The following NSMCE2 variants were observed in gnomAD, a reference collection of about 807,000 sequenced individuals.
NSMCE2 encodes E3 SUMO-protein ligase NSE2.
A neutral mutation model predicts 23.8 loss-of-function variants in NSMCE2; 24 were observed. The observed-to-expected ratio is 1.01, with a 90% CI of 0.73 to 1.42. The LOEUF (loss-of-function observed/expected upper bound fraction) is 1.42. Ranked by LOEUF, NSMCE2 falls within the 40% of genes most tolerant of loss-of-function variation. The pLI, the probability that NSMCE2 is intolerant of heterozygous loss-of-function variation, is 0.00. For synonymous variants in NSMCE2, 92 were observed against 94.1 expected (o/e 0.98, Z 0.13); for missense variants, 284 against 296.5 (o/e 0.96, Z 0.31).
chr8:125,333,726 G>A (rs1241797748), intron 5 of NSMCE2, among the ~76,000 whole-genome samples: 5 of 151,644 alleles, frequency 3.3e-5, no homozygotes, highest in African/African-American at 7.3e-5. Context: ...TTTTAGCCGG[G>A]ATGGTCTCGA....
At chr8:125,164,078 C>T (rs1821755083) in intron 4 of NSMCE2, among the ~76,000 whole-genome samples, 1 of 152,214 alleles carries the variant, frequency 6.6e-6, no homozygotes, top group Non-Finnish European at 1.5e-5. Flanking sequence ...CTTACTTAAG[C>T]CAGATTTGTA....
intron 3 of NSMCE2, 24 bp from the exon 4 acceptor site, chr8:125,151,147 A>C: frequency 1.1e-5 from 13 of 1,233,596 alleles, no homozygotes; most frequent in Non-Finnish European, 1.4e-5. Flanking sequence ...GGAAAATAAT[A>C]ATTGCAATTT....
chr8:125,147,530 A>G (rs1036421506), intron 3 of NSMCE2, among the ~76,000 whole-genome samples: 2 of 152,194 alleles, frequency 1.3e-5, no homozygotes, highest in South Asian at 4.1e-4. Context: ...AAATTAGGTG[A>G]AGAAGGAAAT....
chr8:125,142,980 A>C (rs1228997729), intron 3 of NSMCE2, among the ~76,000 whole-genome samples: 3 of 151,964 alleles, frequency 2.0e-5, no homozygotes, highest in African/African-American at 7.3e-5. Context: ...TGTAGGGAGA[A>C]GTAACCAAGT....
At chr8:125,253,800 CAAG>C (rs1826294596) in intron 5 of NSMCE2, among the ~76,000 whole-genome samples, 1 of 152,056 alleles carries the variant, frequency 6.6e-6, no homozygotes, top group South Asian at 2.1e-4. Context: ...TTCTACCATG[CAAG>C]AAGAATTTGG....
At chr8:125,288,412 A>AC (rs1491274725) in intron 5 of NSMCE2, among the ~76,000 whole-genome samples, 1 of 152,078 alleles carries the variant, frequency 6.6e-6, no homozygotes, top group Non-Finnish European at 1.5e-5. Flanking sequence ...AATTAGACTA[A>AC]CCCCCTTCCT....
Position 125,299,570 on chromosome 8 carries a change from G to A in NSMCE2, c.419-57649G>A, listed in dbSNP as rs117102317. 2.6e-5 allele frequency among the ~76,000 whole-genome samples: 4 copies of A among 152,150 alleles called. No individual in the cohort carries two copies. The East Asian group carries it at 7.7e-4, about 29-fold the overall frequency. On this transcript the variant is annotated intron_variant, in intron 5 of 7. Transcript: ENST00000287437. ...CCATGACCCAGTTACCTCCCACCAG[G>A]TCCCTCCCTCAACATGTGGGGACTA...
intron 3 of NSMCE2, among the ~76,000 whole-genome samples, chr8:125,119,389 A>G (rs1001614922): frequency 5.3e-5 from 8 of 152,356 alleles, no homozygotes; most frequent in South Asian, 2.1e-4. Context: ...TTTTTAAAAC[A>G]GCGTGTATAG....
At chr8:125,186,165 T>G (rs947668362) in intron 5 of NSMCE2, among the ~76,000 whole-genome samples, 2 of 152,304 alleles carry the variant, frequency 1.3e-5, no homozygotes, top group Admixed American at 1.3e-4. Flanking sequence ...CTTGTGAAAA[T>G]TATATGAAAA....
chr8:125,227,451 G>A (rs974083746), intron 5 of NSMCE2, among the ~76,000 whole-genome samples: 15 of 152,176 alleles, frequency 9.9e-5, no homozygotes, highest in African/African-American at 2.9e-4. Flanking sequence ...CTGCCTTACC[G>A]AATAACGAAT....
intron 3 of NSMCE2, among the ~76,000 whole-genome samples, chr8:125,108,535 A>G (rs951800438): frequency 1.3e-5 from 2 of 152,208 alleles, no homozygotes; most frequent in African/African-American, 4.8e-5. Context: ...CTAATTTCTT[A>G]TCTGTGAAAT....
rs1017582401 is a variant in NSMCE2 at position 125,144,049 on chromosome 8, G to T, written c.158-7122G>T. ...GTGTGTGGACGTGATAGGGAAAAGA[G>T]GGGGGGAAAGTCCTTATTTTCATGT... On this transcript the variant is annotated intron_variant, in intron 3 of 7. Transcript: ENST00000287437. Among the ~76,000 whole-genome samples the T allele has an allele frequency of 1.1e-4, 16 of 152,140 alleles. 1 individual carries two copies. The highest frequency in any genetic ancestry group is 2.4e-4 in the Non-Finnish European group (16 of 68,008).
At position 125,366,644 on chromosome 8, in the gene NSMCE2, C is replaced by T. The variant is rs1476790080; in HGVS notation, c.627-124C>T. The T allele has an allele frequency of 5.9e-6, 4 of 683,344 alleles. No homozygotes were observed. The African/African-American group carries it at 7.2e-5, about 12-fold the overall frequency. 42.3% of individuals were successfully genotyped at this position (683,344 alleles called of 1,614,324 possible). A position where few individuals can be genotyped will look rare whatever the true frequency, so the allele number is the denominator to read the frequency against. On this transcript the variant is annotated intron_variant, in intron 7 of 7. Coordinates refer to ENST00000287437, the MANE Select transcript of NSMCE2 (RefSeq NM_173685.4). The stretch of plus-strand genomic sequence containing the variant: ...TCAGTGAATAAATGAATGAGCACAG[C>T]TTGGTCCTGATTTTGACACTTTTCC...
At chr8:125,316,773 C>CCTTCCTTCCTTCCTTCCT (rs1172219929) in intron 5 of NSMCE2, among the ~76,000 whole-genome samples, 13 of 77,388 alleles carry the variant, frequency 1.7e-4, no homozygotes, top group African/African-American at 9.5e-4. Context: ...CCTTCCTTCT[C>CCTTCCTTCCTTCCTTCCT]TCTCTCTCTT....
intron 5 of NSMCE2, among the ~76,000 whole-genome samples, chr8:125,251,113 A>G (rs950521393): frequency 1.3e-5 from 2 of 152,200 alleles, no homozygotes; most frequent in Non-Finnish European, 2.9e-5. Flanking sequence ...TTTCTCTAGT[A>G]AAAGCATAGT....
intron 5 of NSMCE2, among the ~76,000 whole-genome samples, chr8:125,313,502 T>A (rs1220065792): frequency 1.3e-5 from 2 of 152,162 alleles, no homozygotes; most frequent in Non-Finnish European, 2.9e-5. Flanking sequence ...GCTCCAAATT[T>A]GTATTTGATG....
chr8:125,190,945 A>G (rs1434887778), intron 5 of NSMCE2, among the ~76,000 whole-genome samples: 2 of 152,110 alleles, frequency 1.3e-5, no homozygotes, highest in Non-Finnish European at 2.9e-5. Context: ...ATCTCGGCTC[A>G]CTGCAACCTC....
At chr8:125,259,213 AAGTG>A (rs1299738658) in intron 5 of NSMCE2, among the ~76,000 whole-genome samples, 7 of 152,150 alleles carry the variant, frequency 4.6e-5, no homozygotes, top group Non-Finnish European at 8.8e-5. Context: ...TTTAAAGAGA[AAGTG>A]AGAGTCCTGT....
chr8:125,248,276 C>T (rs1826070336), intron 5 of NSMCE2, among the ~76,000 whole-genome samples: 2 of 152,126 alleles, frequency 1.3e-5, no homozygotes, highest in Admixed American at 6.5e-5. Flanking sequence ...TAATATTGCC[C>T]TACTTCTGAG....
Sources: allele counts gnomAD v4.1 joint callset (sites outside exome capture counted in the v4.1 genomes callset), GRCh38; gene constraint gnomAD v4.1.1; transcripts MANE v1.5; gene names NCBI Gene and HGNC (gene_info 2026-07-23, HGNC 2026-07-21).